The following MYH10 variants were observed in gnomAD, a reference collection of about 807,000 sequenced individuals.
MYH10 encodes the protein myosin-10.
In MYH10, 55 loss-of-function variants were observed where a neutral mutation model predicts 257.8. The ratio of observed to expected loss-of-function variants is 0.21; its 90% confidence interval spans 0.17 to 0.27. The LOEUF (loss-of-function observed/expected upper bound fraction) is 0.27. MYH10 is among the 10% of genes least tolerant of loss of function. The probability of loss-of-function intolerance (pLI) is 1.00; values close to 1 mark genes in which losing one functional copy is unlikely to be tolerated. For missense variants in MYH10, 1,631 were observed against 2,500.6 expected, an observed-to-expected ratio of 0.65 and a Z score of 7.42; for synonymous variants, 854 against 921.7, an observed-to-expected ratio of 0.93 and a Z score of 1.33.
At chr17:8,602,610 G>T (rs1161508109) in intron 3 of MYH10, among the ~76,000 whole-genome samples, 1 of 152,216 alleles carries the variant, frequency 6.6e-6, no homozygotes, top group Non-Finnish European at 1.5e-5. Context: ...ATTGTTTAGA[G>T]TGGGTTGTTT....
intron 14 of MYH10, 96 bp downstream of exon 14, chr17:8,542,011 A>C: frequency 8.2e-7 from 1 of 1,218,168 alleles, no homozygotes; most frequent in Non-Finnish European, 1.1e-6. Context: ...TTATTTCACC[A>C]CTGAACAGAC....
At chr17:8,558,852 T>C (rs2082893907) in intron 7 of MYH10, among the ~76,000 whole-genome samples, 1 of 151,916 alleles carries the variant, frequency 6.6e-6, no homozygotes, top group South Asian at 2.1e-4. Context: ...TTCTCTCATT[T>C]TATATTATCT....
chr17:8,497,047 G>A (rs534166213), intron 30 of MYH10, among the ~76,000 whole-genome samples: 16 of 152,320 alleles, frequency 1.1e-4, no homozygotes, highest in East Asian at 3.9e-4. Flanking sequence ...AATTAAGCAC[G>A]TGCTGTGTGA....
intron 1 of MYH10, 46 bp downstream of exon 1, chr17:8,630,608 C>T (rs2085882232): frequency 6.5e-6 from 1 of 152,776 alleles, no homozygotes; most frequent in African/African-American, 2.4e-5. Context: ...AAACTGTCCC[C>T]CAGCCCTGGG....
chr17:8,524,908 G>C (rs2081793512), intron 17 of MYH10, among the ~76,000 whole-genome samples: 1 of 152,178 alleles, frequency 6.6e-6, no homozygotes, highest in Non-Finnish European at 1.5e-5. Flanking sequence ...CTCATGAGCT[G>C]GGTGATTCTG....
At chr17:8,540,044 C>G (rs1264849097) in intron 14 of MYH10, among the ~76,000 whole-genome samples, 1 of 152,172 alleles carries the variant, frequency 6.6e-6, no homozygotes, top group Non-Finnish European at 1.5e-5. Flanking sequence ...GACTGGAGTG[C>G]AGTGGTGCAA....
rs1446240156 is a variant in MYH10, at chr17:8,511,057, T to C, written c.2953-1108A>G. 1.1e-3 allele frequency: 71 copies of C among 62,686 alleles called. 1 individual carries two copies. Among genetic ancestry groups the C allele is most frequent in the African/African-American group, 4.3e-3 (64 of 14,904 alleles). The allele number at this position is 62,686 out of a possible 1,614,324, so 3.9% of individuals were successfully genotyped here. ...ATATATATATATATATATATATATA[T>C]ATACACACATACATACATACACACA... is the stretch of plus-strand genomic sequence containing the variant. On this transcript the variant is annotated intron_variant, in intron 24 of 42. Coordinates refer to ENST00000360416, the MANE Select transcript of MYH10 (RefSeq NM_001256012.3).
intron 3 of MYH10, among the ~76,000 whole-genome samples, chr17:8,602,940 A>T (rs969032498): frequency 5.9e-5 from 9 of 152,210 alleles, no homozygotes; most frequent in African/African-American, 2.2e-4. Context: ...ACTAAAAATG[A>T]TATTAATAAT....
Position 8,477,033 on chromosome 17 carries a change from C to T in MYH10, c.5722G>A (p.Ala1908Thr), listed in dbSNP as rs371705630. ...QYKEQMEKAN[A>T]RMKQLKRQLE... ...TGGCGTTTAAGCTGCTTCATCCGAG[C>T]GTTGGCCTTCTCCATCTTGGGGAGG... Residue 1908 changes from alanine (A) to threonine (T), a missense_variant, in exon 42 of 43, where the codon GCT (alanine) becomes ACT (threonine). Around this residue, in one of 11 missense-constraint regions of MYH10, gnomAD observed 343 missense variants for 389.5 expected, o/e 0.88. Transcript: ENST00000360416. This position sits in a 1 kb window ranked among gnomAD's most constrained non-coding sequence, Gnocchi z 4.2. 8.0e-5 allele frequency: 129 copies of T among 1,613,980 alleles called. No homozygotes were observed. The highest frequency in any genetic ancestry group is 1.0e-4 in the Non-Finnish European group (120 of 1,180,044).
intron 1 of MYH10, among the ~76,000 whole-genome samples, chr17:8,628,066 A>G (rs2043154): frequency 0.33 from 50,164 of 152,052 alleles, 10,914 homozygotes; most frequent in African/African-American, 0.63. Context: ...CTAAATAAAA[A>G]CCCAATCAAT....
rs199834633 is a variant in MYH10, at chr17:8,475,947, G to A, written c.5881C>T (p.Arg1961Trp). 7.0e-5 allele frequency: 113 copies of A among 1,612,442 alleles called. No homozygotes were observed. Among genetic ancestry groups the A allele is most frequent in the Admixed American group, 6.0e-4 (36 of 59,870 alleles). Residue 1961 changes from arginine (R) to tryptophan (W), a missense_variant and splice_region_variant, in exon 43 of 43, where the codon CGG (arginine) becomes TGG (tryptophan). By Grantham distance (101) the Arg-to-Trp change is moderately radical. Coordinates refer to ENST00000360416, the MANE Select transcript of MYH10 (RefSeq NM_001256012.3). ...GAAGAGAAGCTGATGGGGCCACCCC[G>A]CCTGGAGAACACAGGAAGCAGATGT... ...EVSTLKNRLR[R>W]GGPISFSSSR... is the part of the protein sequence containing the mutation.
Position 8,490,598 on chromosome 17 carries a change from C to T in MYH10, c.4672-46G>A, listed in dbSNP as rs1915614322. The T allele has an allele frequency of 6.3e-7, 1 of 1,581,302 alleles. No individual in the cohort carries two copies. The highest frequency in any genetic ancestry group is 1.3e-5 in the African/African-American group (1 of 74,182). On this transcript the variant is annotated intron_variant, in intron 34 of 42. Transcript: ENST00000360416. The surrounding 1 kb of genome is among the most constrained non-coding windows in gnomAD (Gnocchi z 4.1). ...GAAAGAGTTGACCGGGGTGGAGGCA[C>T]ATATGAAGAACAGCAGTCTTACTGT...
chr17:8,582,586 G>A (rs2083749492), intron 4 of MYH10, among the ~76,000 whole-genome samples: 1 of 152,218 alleles, frequency 6.6e-6, no homozygotes, highest in Non-Finnish European at 1.5e-5. Context: ...GAGGTGTCCT[G>A]CATCTGTTGA....
intron 2 of MYH10, among the ~76,000 whole-genome samples, chr17:8,620,369 A>T (rs1370637709): frequency 6.6e-6 from 1 of 152,248 alleles, no homozygotes; most frequent in Non-Finnish European, 1.5e-5. Context: ...AAGACTAAAT[A>T]CTACATATAG....
intron 24 of MYH10, 125 bp downstream of exon 24, chr17:8,512,326 T>G: frequency 1.4e-6 from 1 of 701,004 alleles, no homozygotes; most frequent in Non-Finnish European, 2.4e-6. Flanking sequence ...AAGAGTGGCT[T>G]CTCATAACCC....
chr17:8,556,936 T>C (rs1421217033), intron 7 of MYH10, among the ~76,000 whole-genome samples: 2 of 152,212 alleles, frequency 1.3e-5, no homozygotes, highest in South Asian at 4.1e-4. Context: ...ATTCTGTGTA[T>C]TTACTATAAA....
intron 29 of MYH10, among the ~76,000 whole-genome samples, 172 bp from the exon 30 acceptor site, chr17:8,499,648 G>A (rs1210017862): frequency 2.0e-5 from 3 of 152,116 alleles, no homozygotes; most frequent in African/African-American, 4.8e-5. Context: ...GGATTTCTAC[G>A]TAAGGAACAC....
chr17:8,552,028 A>T lies in MYH10; in HGVS notation c.919+18T>A, dbSNP rs1567889474. ...ATATTCCAGTGAATATAAAATAGTA[A>T]AAACCTTTGTAACTTACACTTTAGG... On this transcript the variant is annotated intron_variant, in intron 9 of 42. Coordinates refer to ENST00000360416, the MANE Select transcript of MYH10 (RefSeq NM_001256012.3). This position sits in a 1 kb window ranked among gnomAD's most constrained non-coding sequence, Gnocchi z 4.8. 1 of 1,363,050 alleles carries T rather than the reference A, an allele frequency of 7.3e-7. No individual in the cohort carries two copies. The allele number at this position is 1,363,050 out of a possible 1,614,324, so 84.4% of individuals were successfully genotyped here.
In MYH10 at chr17:8,499,256, G is replaced by A; in HGVS notation, c.3951+14C>T. 1 of 1,611,932 alleles carries A rather than the reference G, an allele frequency of 6.2e-7. No individual in the cohort carries two copies. Among genetic ancestry groups the A allele is most frequent in the Non-Finnish European group, 8.5e-7 (1 of 1,178,958 alleles). ...TACAGTGGGACGTGTGTAGAGCGGA[G>A]GTTTCTGGCTTACCTGCAGCTTACT... is the stretch of plus-strand genomic sequence containing the variant. On this transcript the variant is annotated intron_variant, in intron 30 of 42. Coordinates refer to ENST00000360416, the MANE Select transcript of MYH10 (RefSeq NM_001256012.3).
Sources: gnomAD v4.1 joint callset for allele counts (sites outside exome capture counted in the v4.1 genomes callset) on GRCh38, gnomAD v4.1.1 for gene constraint, gnomAD v4.1.1 regional missense constraint, Gnocchi (gnomAD v3.1) non-coding constraint, MANE v1.5 for transcripts, NCBI Gene and HGNC (gene_info 2026-07-23, HGNC 2026-07-21) for gene names.